The following GUCY1A2 variants were observed in gnomAD, a reference collection of about 807,000 sequenced individuals.
The protein encoded by GUCY1A2 is guanylate cyclase soluble subunit alpha-2.
In GUCY1A2, 27 loss-of-function variants were observed where a neutral mutation model predicts 63.5. The ratio of observed to expected loss-of-function variants is 0.43; its 90% CI spans 0.31 to 0.59. The LOEUF (loss-of-function observed/expected upper bound fraction) is 0.59, where lower values mean the gene tolerates loss of function less well. Ranked by LOEUF, GUCY1A2 falls within the 20% of genes least tolerant of loss-of-function variation. The pLI is 0.11. For synonymous variants in GUCY1A2, 364 were observed against 343.5 expected (o/e 1.06, Z -0.66); for missense variants, 768 against 913.3 (o/e 0.84, Z 2.05).
chr11:106,974,129 G>A (rs1171806455), intron 3 of GUCY1A2, among the ~76,000 whole-genome samples: 3 of 151,808 alleles, frequency 2.0e-5, no homozygotes, highest in African/African-American at 7.3e-5. Context: ...CCCTTCAACC[G>A]CCTTAATTCC....
chr11:106,864,647 G>T (rs566766984), intron 4 of GUCY1A2, among the ~76,000 whole-genome samples: 1 of 152,072 alleles, frequency 6.6e-6, no homozygotes, highest in Non-Finnish European at 1.5e-5. Context: ...TTCATTGAAG[G>T]CCTTTTCTGC....
chr11:106,802,061 G>A (rs1858611383), intron 5 of GUCY1A2, among the ~76,000 whole-genome samples: 1 of 152,154 alleles, frequency 6.6e-6, no homozygotes. Flanking sequence ...AATAGTGGCA[G>A]AAGTATTTAC....
chr11:107,005,450 T>A (rs1861659337), intron 1 of GUCY1A2, among the ~76,000 whole-genome samples: 1 of 152,126 alleles, frequency 6.6e-6, no homozygotes, highest in African/African-American at 2.4e-5. Context: ...TTCTTCAGTA[T>A]TTTTGTAGAG....
At chr11:106,845,993 G>A (rs1282039859) in intron 4 of GUCY1A2, among the ~76,000 whole-genome samples, 1 of 151,604 alleles carries the variant, frequency 6.6e-6, no homozygotes, top group Non-Finnish European at 1.5e-5. Flanking sequence ...ATGTGATACA[G>A]CTCTTGCCAA....
At chr11:106,851,683 T>C (rs1203335446) in intron 4 of GUCY1A2, among the ~76,000 whole-genome samples, 1 of 152,022 alleles carries the variant, frequency 6.6e-6, no homozygotes, top group Non-Finnish European at 1.5e-5. Context: ...TACTTCTCTA[T>C]TCTGTTCCAT....
At chr11:106,706,299 A>G (rs1029763606) in intron 7 of GUCY1A2, among the ~76,000 whole-genome samples, 2 of 152,146 alleles carry the variant, frequency 1.3e-5, no homozygotes, top group Admixed American at 6.5e-5. Flanking sequence ...TTCATAAATT[A>G]TATTTGTTCT....
intron 4 of GUCY1A2, among the ~76,000 whole-genome samples, chr11:106,919,634 G>A (rs79673385): frequency 6.6e-6 from 1 of 152,216 alleles, no homozygotes; most frequent in East Asian, 1.9e-4. Flanking sequence ...TCAAATATCA[G>A]TTGAGATCTG....
In GUCY1A2 at chr11:106,681,682, A is replaced by T. The variant is rs2135327756; in HGVS notation, c.*5867T>A. 4.5e-6 allele frequency: 1 copy of T among 221,186 alleles called. No homozygotes were observed. Among genetic ancestry groups the T allele is most frequent in the Non-Finnish European group, 9.1e-6 (1 of 110,390 alleles). The allele number at this position is 221,186 out of a possible 1,614,324, so 13.7% of individuals were successfully genotyped here. On this transcript the variant is annotated 3_prime_UTR_variant, in exon 8 of 8. Transcript: ENST00000526355. ...CTCATTTTGCTACAGAATAATGAGTATCTTTAAAAAGTCCACACCAGCTAT... is the reference window on the plus strand; with the variant it reads ...CTCATTTTGCTACAGAATAATGAGTTTCTTTAAAAAGTCCACACCAGCTAT...
At chr11:106,840,253 G>C (rs1247055184) in intron 4 of GUCY1A2, among the ~76,000 whole-genome samples, 1 of 151,834 alleles carries the variant, frequency 6.6e-6, no homozygotes, top group Non-Finnish European at 1.5e-5. Context: ...TATCCATCAG[G>C]GCTACTGTAG....
At chr11:106,983,590 T>A (rs1292193670) in intron 2 of GUCY1A2, among the ~76,000 whole-genome samples, 1 of 151,432 alleles carries the variant, frequency 6.6e-6, no homozygotes, top group Non-Finnish European at 1.5e-5. Flanking sequence ...AAGGGCAGAG[T>A]TTTCAAGGAA....
At chr11:106,798,306 C>A (rs370425224) in intron 5 of GUCY1A2, among the ~76,000 whole-genome samples, 6 of 151,934 alleles carry the variant, frequency 3.9e-5, no homozygotes, top group Non-Finnish European at 8.8e-5. Context: ...CAGGACCAGA[C>A]GGATTCACAG....
At chr11:106,976,085 A>G (rs1861258073) in intron 3 of GUCY1A2, among the ~76,000 whole-genome samples, 1 of 152,216 alleles carries the variant, frequency 6.6e-6, no homozygotes, top group Admixed American at 6.5e-5. Context: ...TAATATACAA[A>G]TAAGTGAATA....
At chr11:106,827,547 A>G (rs1001664549) in intron 4 of GUCY1A2, 9 of 1,459,498 alleles carry the variant, frequency 6.2e-6, no homozygotes, top group Non-Finnish European at 8.7e-6. Context: ...ACTTTGGTTT[A>G]GCTCCAGCAC....
intron 1 of GUCY1A2, among the ~76,000 whole-genome samples, chr11:107,004,334 T>C (rs1861645781): frequency 6.6e-6 from 1 of 152,182 alleles, no homozygotes; most frequent in Admixed American, 6.6e-5. Flanking sequence ...TGAATCGAAA[T>C]TTTCCTATGA....
rs190296451 is a variant in GUCY1A2, at chr11:106,728,817, A to G, written c.1837-20151T>C. Among the ~76,000 whole-genome samples, 579 of 152,264 alleles carry G rather than the reference A, an allele frequency of 3.8e-3. 4 individuals carry two copies. Among genetic ancestry groups the G allele is most frequent in the African/African-American group, 0.014 (564 of 41,570 alleles). ...GGACTATCTCTATTTATCTTTATGT[A>G]AGAAGTAGTGGATGTTCAATAAGTG... On this transcript the variant is annotated intron_variant, in intron 6 of 7. Coordinates refer to ENST00000526355, the MANE Select transcript of GUCY1A2 (RefSeq NM_000855.3).
chr11:106,905,067 T>C (rs1308006235), intron 4 of GUCY1A2, among the ~76,000 whole-genome samples: 2 of 152,086 alleles, frequency 1.3e-5, no homozygotes, highest in Admixed American at 6.6e-5. Context: ...TAACCATGAA[T>C]GTAAGGCACT....
At chr11:106,825,014 T>C (rs1355927100) in intron 4 of GUCY1A2, 5 of 1,568,702 alleles carry the variant, frequency 3.2e-6, no homozygotes, top group Non-Finnish European at 4.3e-6. Context: ...TATGCCACTA[T>C]TTTTGTAGTT....
At chr11:106,951,646 T>G (rs1047120514) in intron 3 of GUCY1A2, among the ~76,000 whole-genome samples, 8 of 152,194 alleles carry the variant, frequency 5.3e-5, no homozygotes, top group African/African-American at 1.9e-4. Context: ...TATTAGCCCT[T>G]TGTCAGAAAA....
intron 4 of GUCY1A2, among the ~76,000 whole-genome samples, chr11:106,926,443 CAAAA>C (rs1312188621): frequency 7.1e-5 from 6 of 83,996 alleles, no homozygotes; most frequent in Admixed American, 2.6e-4. Flanking sequence ...ATCTCTGTCT[CAAAA>C]AAAAAAAAAA....
Sources: gnomAD v4.1 joint callset for allele counts (sites outside exome capture counted in the v4.1 genomes callset) on GRCh38, gnomAD v4.1.1 for gene constraint, MANE v1.5 for transcripts, NCBI Gene and HGNC (gene_info 2026-07-23, HGNC 2026-07-21) for gene names.